The following SYT14 variants were observed in gnomAD, a reference collection of about 807,000 sequenced individuals.
SYT14 encodes synaptotagmin 14, also known as synaptotagmin-14.
SYT14 carries 32 observed loss-of-function variants against 74.2 expected under a neutral mutation model. The ratio of observed to expected loss-of-function variants is 0.43; its 90% CI spans 0.33 to 0.58. SYT14 has a LOEUF of 0.58. Ranked by LOEUF, SYT14 falls within the 20% of genes least tolerant of loss-of-function variation. SYT14 has a pLI of 0.05. For synonymous variants in SYT14, 298 were observed against 337.7 expected (o/e 0.88, Z 1.29); for missense variants, 791 against 981.8 (o/e 0.81, Z 2.60).
intron 7 of SYT14, among the ~76,000 whole-genome samples, chr1:210,102,130 C>T (rs573307532): frequency 3.3e-5 from 5 of 151,996 alleles, no homozygotes; most frequent in South Asian, 2.1e-4. Context: ...TTCAGGGGTA[C>T]GTGTGCAGGT....
At chr1:210,132,560 T>TTA (rs1380144745) in intron 7 of SYT14, among the ~76,000 whole-genome samples, 4 of 127,376 alleles carry the variant, frequency 3.1e-5, no homozygotes, top group East Asian at 2.4e-4. Context: ...GATGATGATT[T>TTA]TATATATTGT....
chr1:209,978,977 G>T (rs2079425989), intron 2 of SYT14, among the ~76,000 whole-genome samples: 1 of 152,180 alleles, frequency 6.6e-6, no homozygotes. Flanking sequence ...AATCAGCGAG[G>T]CTCCGTGGGC....
chr1:210,161,111 C>G (rs759344370), exon 10 of SYT14: 1 of 1,517,864 alleles, frequency 6.6e-7, no homozygotes, highest in Non-Finnish European at 9.1e-7. Context: ...CTGTTTCTAC[C>G]AAGTCCCATT....
At chr1:210,027,472 A>G (rs1321329718) in intron 5 of SYT14, among the ~76,000 whole-genome samples, 2 of 151,932 alleles carry the variant, frequency 1.3e-5, no homozygotes, top group African/African-American at 4.8e-5. Flanking sequence ...TTAAGTGGAC[A>G]TGGATTATCA....
At chr1:210,164,255 T>G (rs1377209659) in exon 10 of SYT14, 1 of 254,292 alleles carries the variant, frequency 3.9e-6, no homozygotes, top group African/African-American at 2.3e-5. Context: ...ATGTTGTATT[T>G]GCTGACAAGA....
chr1:210,063,814 T>C (rs937037966), intron 5 of SYT14, among the ~76,000 whole-genome samples: 1 of 151,874 alleles, frequency 6.6e-6, no homozygotes, highest in African/African-American at 2.4e-5. Context: ...CATTCTTCCA[T>C]TCTTAAACAC....
chr1:210,139,265 C>CTTTTTTTTTTTTTTT (rs960923188), intron 7 of SYT14, among the ~76,000 whole-genome samples: 28 of 95,854 alleles, frequency 2.9e-4, no homozygotes, highest in African/African-American at 3.7e-4. Flanking sequence ...TTTCTTTTTT[C>CTTTTTTTTTTTTTTT]TTTTTTTTTT....
chr1:210,102,176 T>C (rs1279044798), intron 7 of SYT14, among the ~76,000 whole-genome samples: 2 of 152,116 alleles, frequency 1.3e-5, no homozygotes, highest in Admixed American at 1.3e-4. Flanking sequence ...TGGGGGTTTG[T>C]TTTACAGATT....
intron 7 of SYT14, among the ~76,000 whole-genome samples, chr1:210,106,898 C>T (rs974431064): frequency 6.6e-6 from 1 of 152,184 alleles, no homozygotes; most frequent in Non-Finnish European, 1.5e-5. Flanking sequence ...TCCAAAGTCT[C>T]ATGTGAGACA....
intron 5 of SYT14, among the ~76,000 whole-genome samples, chr1:210,036,628 A>G (rs1302474703): frequency 6.6e-6 from 1 of 151,872 alleles, no homozygotes; most frequent in African/African-American, 2.4e-5. Flanking sequence ...TTGTTGAGAG[A>G]TTTTATCATG....
At chr1:210,000,463 T>TACACACACACACACAC (rs1238374511) in intron 2 of SYT14, among the ~76,000 whole-genome samples, 2 of 67,760 alleles carry the variant, frequency 3.0e-5, no homozygotes, top group African/African-American at 1.8e-4. Context: ...TTTGTCCTCA[T>TACACACACACACACAC]ACGCACACAC....
intron 5 of SYT14, among the ~76,000 whole-genome samples, chr1:210,025,542 T>C (rs2080391875): frequency 6.6e-6 from 1 of 152,130 alleles, no homozygotes; most frequent in Admixed American, 6.5e-5. Context: ...GAACCTTTAG[T>C]GTATTTCTCA....
rs535801789 is a variant in SYT14, at chr1:210,019,799, AC to A, written c.1097-1239del. On this transcript the variant is annotated intron_variant, in intron 4 of 9. Transcript: ENST00000637265. ...AACCAGATTGAACTAATGAATTTTA[AC>A]TACTGTAGTCTCTTCACCTTTCTAG... is the stretch of plus-strand genomic sequence containing the variant. Among the ~76,000 whole-genome samples, 15 of 152,320 alleles carry A rather than the reference AC, an allele frequency of 9.8e-5. No homozygotes were observed. The South Asian group carries it at 2.9e-3, about 29-fold the overall frequency.
chr1:209,961,764 T>G (rs1441434304), intron 2 of SYT14, among the ~76,000 whole-genome samples: 3 of 152,122 alleles, frequency 2.0e-5, no homozygotes, highest in Non-Finnish European at 4.4e-5. Flanking sequence ...AGGCATGACC[T>G]GATTTTTTCT....
At chr1:210,140,249 G>C (rs565132764) in intron 7 of SYT14, among the ~76,000 whole-genome samples, 2 of 152,000 alleles carry the variant, frequency 1.3e-5, no homozygotes, top group African/African-American at 4.8e-5. Context: ...TTGACCATTC[G>C]TGTATCTTCT....
At chr1:210,004,270 ATCTT>A (rs1417846008) in intron 2 of SYT14, among the ~76,000 whole-genome samples, 1 of 151,976 alleles carries the variant, frequency 6.6e-6, no homozygotes, top group Non-Finnish European at 1.5e-5. Flanking sequence ...TCCTTAGTGT[ATCTT>A]TCTTTCTTTC....
intron 5 of SYT14, among the ~76,000 whole-genome samples, chr1:210,082,974 ATTTCTTTTTTTTT>A (rs2081643908): frequency 1.3e-5 from 2 of 150,850 alleles, no homozygotes; most frequent in South Asian, 4.2e-4. Context: ...GTAATGGGTT[ATTTCTTTTTTTTT>A]TTTCTTTTTT....
intron 7 of SYT14, among the ~76,000 whole-genome samples, chr1:210,148,843 T>G (rs965824611): frequency 5.9e-5 from 9 of 152,200 alleles, no homozygotes; most frequent in African/African-American, 4.8e-5. Flanking sequence ...AACTTCTCTT[T>G]CGAGGCTTAT....
chr1:210,001,563 G>A (rs1041797555), intron 2 of SYT14, among the ~76,000 whole-genome samples: 1 of 152,046 alleles, frequency 6.6e-6, no homozygotes, highest in Non-Finnish European at 1.5e-5. Context: ...GCCTTTTGAA[G>A]CGTACATGCT....
Sources: gnomAD v4.1 joint callset for allele counts (sites outside exome capture counted in the v4.1 genomes callset) on GRCh38, gnomAD v4.1.1 for gene constraint, MANE v1.5 for transcripts, NCBI Gene and HGNC (gene_info 2026-07-23, HGNC 2026-07-21) for gene names.